Variants in KSR2 observed in about 807,000 individuals in gnomAD.
The protein encoded by KSR2 is kinase suppressor of ras 2.
In KSR2, 25 loss-of-function variants were observed where a neutral mutation model predicts 107.8. The ratio of observed to expected loss-of-function variants is 0.23; its 90% CI spans 0.17 to 0.32. KSR2 has a LOEUF of 0.32. Ranked by LOEUF, KSR2 falls within the 10% of genes least tolerant of loss-of-function variation. KSR2 has a pLI of 1.00. For missense variants in KSR2, 887 were observed against 1,268.9 expected, an observed-to-expected ratio of 0.70 and a Z score of 4.57; for synonymous variants, 480 against 507.0, an observed-to-expected ratio of 0.95 and a Z score of 0.71.
chr12:117,888,398 G>C (rs1218001086), intron 1 of KSR2, among the ~76,000 whole-genome samples: 2 of 152,128 alleles, frequency 1.3e-5, no homozygotes, highest in African/African-American at 4.8e-5. Flanking sequence ...ATTCACAACA[G>C]AAAGTACACA....
At chr12:117,882,771 A>T (rs2137326259) in intron 1 of KSR2, among the ~76,000 whole-genome samples, 1 of 152,018 alleles carries the variant, frequency 6.6e-6, no homozygotes, top group Non-Finnish European at 1.5e-5. Context: ...CAATCCATCC[A>T]TCCATCTGTT....
At chr12:117,527,570 C>T (rs1875288433) in intron 12 of KSR2, among the ~76,000 whole-genome samples, 1 of 152,190 alleles carries the variant, frequency 6.6e-6, no homozygotes, top group Non-Finnish European at 1.5e-5. Context: ...TTTGGAATTT[C>T]TTGGAAGGAT....
chr12:117,547,195 G>A (rs1017322752), intron 9 of KSR2, among the ~76,000 whole-genome samples: 1 of 152,198 alleles, frequency 6.6e-6, no homozygotes, highest in African/African-American at 2.4e-5. Context: ...TGCCAGGGAT[G>A]GGTAGAAATT....
intron 14 of KSR2, among the ~76,000 whole-genome samples, chr12:117,516,554 T>C (rs966356963): frequency 2.6e-5 from 4 of 152,204 alleles, no homozygotes; most frequent in Non-Finnish European, 5.9e-5. Flanking sequence ...TATTATAGCA[T>C]CATTTTATAG....
chr12:117,662,281 C>T (rs1038199386), intron 5 of KSR2, among the ~76,000 whole-genome samples: 1 of 152,216 alleles, frequency 6.6e-6, no homozygotes, highest in African/African-American at 2.4e-5. Context: ...TGTCAAGACA[C>T]GAGCCTCTCC....
intron 14 of KSR2, among the ~76,000 whole-genome samples, chr12:117,504,436 T>C (rs1371078095): frequency 1.3e-5 from 2 of 152,234 alleles, no homozygotes; most frequent in African/African-American, 4.8e-5. Context: ...TGGGATTCTT[T>C]TTTCCCTTAA....
chr12:117,817,581 T>C (rs1203345598), intron 3 of KSR2, among the ~76,000 whole-genome samples: 1 of 152,136 alleles, frequency 6.6e-6, no homozygotes, highest in African/African-American at 2.4e-5. Context: ...TCTGACCTCA[T>C]GATAATATTA....
At chr12:117,876,860 A>G (rs1376636413) in intron 1 of KSR2, among the ~76,000 whole-genome samples, 1 of 151,636 alleles carries the variant, frequency 6.6e-6, no homozygotes, top group Non-Finnish European at 1.5e-5. Context: ...CAGATTTCAG[A>G]TTTTTTTCAG....
chr12:117,917,734 T>C (rs1203174049), intron 1 of KSR2, among the ~76,000 whole-genome samples: 1 of 152,024 alleles, frequency 6.6e-6, no homozygotes, highest in East Asian at 1.9e-4. Context: ...TGTGGATATA[T>C]TACAATATGG....
At chr12:117,701,550 T>A (rs1018988682) in intron 4 of KSR2, among the ~76,000 whole-genome samples, 3 of 152,168 alleles carry the variant, frequency 2.0e-5, no homozygotes, top group African/African-American at 7.2e-5. Flanking sequence ...AAAAGGCTAC[T>A]GGGACTTGTG....
rs949023201 is a variant in KSR2 at position 117,539,641 on chromosome 12, C to G, written c.1687+78G>C. ...TGCAGAGACTTGCTGCATCAGGGCT[C>G]TGGCATGAACCCACCCCCTCCCTAA... On this transcript the variant is annotated intron_variant, in intron 10 of 19. Coordinates refer to ENST00000339824, the MANE Select transcript of KSR2 (RefSeq NM_173598.6). 4.4e-6 allele frequency: 6 copies of G among 1,372,916 alleles called. No individual in the cohort carries two copies. In the African/African-American group the frequency reaches 8.8e-5, roughly 20 times the overall value. The allele number at this position is 1,372,916 out of a possible 1,614,324, so 85.0% of individuals were successfully genotyped here. A position where few individuals can be genotyped will look rare whatever the true frequency, so the allele number is the denominator to read the frequency against.
intron 4 of KSR2, among the ~76,000 whole-genome samples, chr12:117,670,646 G>C (rs1223144051): frequency 6.6e-6 from 1 of 152,142 alleles, no homozygotes; most frequent in African/African-American, 2.4e-5. Flanking sequence ...CTCTTTCTTG[G>C]AACCCTTTCA....
chr12:117,531,901 G>A (rs890498126), intron 10 of KSR2, among the ~76,000 whole-genome samples, 194 bp from the exon 11 acceptor site: 5 of 151,976 alleles, frequency 3.3e-5, no homozygotes, highest in Admixed American at 6.6e-5. Flanking sequence ...CATCCATGCC[G>A]ACCCTCCCAT....
At chr12:117,494,859 G>A (rs36101897) in intron 14 of KSR2, among the ~76,000 whole-genome samples, 6,388 of 152,278 alleles carry the variant, frequency 0.042, 171 homozygotes, top group Middle Eastern at 0.068. Context: ...AAAAAGCCAG[G>A]CATGTGGAAA....
intron 15 of KSR2, 70 bp downstream of exon 15, chr12:117,485,525 T>C: frequency 7.0e-6 from 8 of 1,148,976 alleles, no homozygotes; most frequent in Non-Finnish European, 9.2e-6. Context: ...AGCCCTGGGG[T>C]AGGGGGGCTT....
At chr12:117,738,156 C>T (rs1339556990) in intron 4 of KSR2, among the ~76,000 whole-genome samples, 7 of 152,150 alleles carry the variant, frequency 4.6e-5, no homozygotes, top group Non-Finnish European at 5.9e-5. Flanking sequence ...ATTTAAACTC[C>T]GGCTCCCACA....
intron 5 of KSR2, among the ~76,000 whole-genome samples, chr12:117,659,869 A>T (rs185842939): frequency 2.8e-4 from 43 of 152,372 alleles, no homozygotes; most frequent in Non-Finnish European, 4.7e-4. Context: ...TAACATTTTT[A>T]AAATGGGAGA....
chr12:117,823,329 C>G (rs555866373), intron 3 of KSR2, among the ~76,000 whole-genome samples: 1 of 152,256 alleles, frequency 6.6e-6, no homozygotes, highest in East Asian at 1.9e-4. Context: ...GGAGGCCAGA[C>G]AGGAGGCTGC....
At chr12:117,564,609 GGGAGTTGC>G (rs1367953639) in intron 7 of KSR2, among the ~76,000 whole-genome samples, 1 of 152,198 alleles carries the variant, frequency 6.6e-6, no homozygotes, top group Admixed American at 6.5e-5. Context: ...ATTCCCCCAA[GGGAGTTGC>G]TGGCTAAATG....
Sources: gnomAD v4.1 joint callset for allele counts (sites outside exome capture counted in the v4.1 genomes callset) on GRCh38, gnomAD v4.1.1 for gene constraint, MANE v1.5 for transcripts, NCBI Gene and HGNC (gene_info 2026-07-23, HGNC 2026-07-21) for gene names.